Variants in PSMA1 observed in about 807,000 individuals in gnomAD.
PSMA1 encodes the protein proteasome 20S subunit alpha 1.
In PSMA1, 3 loss-of-function variants were observed where a neutral mutation model predicts 38.4. The observed-to-expected ratio is 0.08, with a 90% confidence interval of 0.04 to 0.20. PSMA1 has a LOEUF of 0.20. Ranked by LOEUF, PSMA1 falls within the 10% of genes least tolerant of loss-of-function variation. The pLI is 1.00. For missense variants in PSMA1, 227 were observed against 325.3 expected (o/e 0.70, Z 2.32); for synonymous variants, 101 against 107.1 (o/e 0.94, Z 0.35).
At chr11:14,605,240 A>G (rs918521870) in intron 2 of PSMA1, among the ~76,000 whole-genome samples, 1 of 152,148 alleles carries the variant, frequency 6.6e-6, no homozygotes, top group Non-Finnish European at 1.5e-5. Flanking sequence ...AATAATAGCC[A>G]TTATGACTGG....
chr11:14,638,713 G>T (rs1017867711), intron 1 of PSMA1, among the ~76,000 whole-genome samples: 3 of 144,746 alleles, frequency 2.1e-5, no homozygotes, highest in Non-Finnish European at 4.5e-5. Context: ...AGATTGCTTG[G>T]CCTGGCAGTT....
intron 1 of PSMA1, among the ~76,000 whole-genome samples, chr11:14,625,177 G>A (rs1332948142): frequency 1.3e-5 from 2 of 152,184 alleles, no homozygotes; most frequent in African/African-American, 4.8e-5. Flanking sequence ...GCCTGGGTGT[G>A]GTAACTCATG....
intron 2 of PSMA1, among the ~76,000 whole-genome samples, chr11:14,573,281 G>A (rs1462637514): frequency 3.3e-5 from 5 of 152,088 alleles, no homozygotes; most frequent in Non-Finnish European, 5.9e-5. Flanking sequence ...CTGGCAAACC[G>A]AATCCAGCAG....
At chr11:14,509,091 G>A (rs1344689792) in intron 8 of PSMA1, among the ~76,000 whole-genome samples, 1 of 152,084 alleles carries the variant, frequency 6.6e-6, no homozygotes, top group Non-Finnish European at 1.5e-5. Context: ...CACTCTCCAT[G>A]GAACTCCACG....
intron 1 of PSMA1, among the ~76,000 whole-genome samples, chr11:14,636,994 T>C (rs1033032254): frequency 3.3e-5 from 5 of 152,224 alleles, no homozygotes; most frequent in African/African-American, 9.6e-5. Context: ...AATACCAGCA[T>C]TGGGTTTTGA....
intron 1 of PSMA1, among the ~76,000 whole-genome samples, chr11:14,637,541 T>C (rs1201103997): frequency 6.6e-6 from 1 of 152,212 alleles, no homozygotes; most frequent in Admixed American, 6.5e-5. Context: ...TAAATCTTTT[T>C]TTGTCTTCCC....
intron 1 of PSMA1, among the ~76,000 whole-genome samples, chr11:14,627,202 A>C (rs1852922162): frequency 6.6e-6 from 1 of 152,166 alleles, no homozygotes; most frequent in Non-Finnish European, 1.5e-5. Context: ...AGGGTTTCAA[A>C]ATTCAAATTT....
chr11:14,631,035 G>C (rs1410914436), intron 1 of PSMA1, among the ~76,000 whole-genome samples: 1 of 151,938 alleles, frequency 6.6e-6, no homozygotes, highest in Non-Finnish European at 1.5e-5. Flanking sequence ...TTTTTATTGC[G>C]TCTATTTGAT....
At chr11:14,515,555 CT>C (rs779183596) in intron 4 of PSMA1, among the ~76,000 whole-genome samples, 596 of 135,464 alleles carry the variant, frequency 4.4e-3, no homozygotes, top group Admixed American at 4.6e-3. Context: ...AATTGAAATT[CT>C]TTTTTTTTTT....
intron 2 of PSMA1, among the ~76,000 whole-genome samples, chr11:14,608,098 T>A (rs1418063029): frequency 6.6e-6 from 1 of 152,136 alleles, no homozygotes; most frequent in Non-Finnish European, 1.5e-5. Flanking sequence ...ATGCCTGTAA[T>A]CCTAGTACTT....
intron 1 of PSMA1, among the ~76,000 whole-genome samples, chr11:14,637,452 C>T (rs566962166): frequency 3.1e-4 from 47 of 152,272 alleles, no homozygotes; most frequent in Non-Finnish European, 5.6e-4. Context: ...GGACAGGGAC[C>T]GTGTCTTATT....
intron 2 of PSMA1, among the ~76,000 whole-genome samples, chr11:14,582,684 A>ATTT (rs71044011): frequency 1.7e-4 from 23 of 138,834 alleles, no homozygotes; most frequent in East Asian, 6.4e-4. Context: ...GGCCCAGCTA[A>ATTT]TTTTTTTTTT....
chr11:14,622,279 G>C (rs1314100733), intron 1 of PSMA1, among the ~76,000 whole-genome samples: 1 of 152,180 alleles, frequency 6.6e-6, no homozygotes, highest in Admixed American at 6.5e-5. Flanking sequence ...GAGAGGATCA[G>C]AAACAGTTCA....
intron 1 of PSMA1, among the ~76,000 whole-genome samples, chr11:14,614,039 C>T (rs1852739994): frequency 6.6e-6 from 1 of 152,110 alleles, no homozygotes; most frequent in South Asian, 2.1e-4. Flanking sequence ...TCAAATGTCT[C>T]AGTTGAAGAA....
At chr11:14,614,618 T>C (rs542320389) in intron 1 of PSMA1, among the ~76,000 whole-genome samples, 1 of 152,276 alleles carries the variant, frequency 6.6e-6, no homozygotes, top group East Asian at 1.9e-4. Flanking sequence ...AGTACCACCA[T>C]CGATCTAGTT....
chr11:14,531,726 C>T (rs969896390), intron 2 of PSMA1, among the ~76,000 whole-genome samples: 4 of 152,118 alleles, frequency 2.6e-5, no homozygotes, highest in African/African-American at 9.7e-5. Context: ...TCCCAAAGTG[C>T]TGGGATTACA....
At chr11:14,628,161 T>G (rs1441615974) in intron 1 of PSMA1, among the ~76,000 whole-genome samples, 2 of 152,174 alleles carry the variant, frequency 1.3e-5, no homozygotes, top group South Asian at 2.1e-4. Flanking sequence ...TGAGATGGAA[T>G]AGTTTTTCTT....
At position 14,514,420 on chromosome 11, in the gene PSMA1, A is replaced by G; in HGVS notation, c.326T>C (p.Val109Ala). 6.2e-7 allele frequency: 1 copy of G among 1,607,626 alleles called. No individual in the cohort carries two copies. The highest frequency in any genetic ancestry group is 8.5e-7 in the Non-Finnish European group (1 of 1,175,686). Residue 109 changes from valine to alanine, a missense_variant, in exon 5 of 10, where the codon GTA becomes GCA. Physicochemically the swap from Val to Ala is moderately conservative, Grantham distance 64. Coordinates refer to ENST00000396394, the MANE Select transcript of PSMA1 (RefSeq NM_002786.4). ...AAGGATACTGCTTCCAATTAGAGAT[A>G]CAAGACGAGACACAGGCAGTGGTCT... ...FDRPLPVSRLVSLIGSKTQIP... is the reference protein window; with the variant it reads ...FDRPLPVSRLASLIGSKTQIP...
intron 2 of PSMA1, among the ~76,000 whole-genome samples, chr11:14,550,119 T>G (rs1851870037): frequency 1.3e-5 from 2 of 152,212 alleles, no homozygotes; most frequent in Admixed American, 1.3e-4. Context: ...CTGCATCTCT[T>G]CATCTCAAAG....
Sources: allele counts gnomAD v4.1 joint callset (sites outside exome capture counted in the v4.1 genomes callset), GRCh38; gene constraint gnomAD v4.1.1; transcripts MANE v1.5; gene names NCBI Gene and HGNC (gene_info 2026-07-23, HGNC 2026-07-21).